Variants in MAML2 observed in about 807,000 individuals in gnomAD.
The protein encoded by MAML2 is mastermind like transcriptional coactivator 2, also known as mastermind-like protein 2.
Under a neutral mutation model 96.1 loss-of-function variants are expected in MAML2, and 22 were observed. The ratio of observed to expected loss-of-function variants is 0.23; its 90% confidence interval spans 0.16 to 0.33. The LOEUF (loss-of-function observed/expected upper bound fraction) is 0.33. Among genes scored for constraint, MAML2 ranks in the 10% least tolerant of loss-of-function variants. The probability of loss-of-function intolerance (pLI) is 1.00; values close to 1 mark genes in which losing one functional copy is unlikely to be tolerated. For missense variants in MAML2, 1,367 were observed against 1,392.4 expected, an observed-to-expected ratio of 0.98 and a Z score of 0.29; for synonymous variants, 561 against 521.3, an observed-to-expected ratio of 1.08 and a Z score of -1.04.
At chr11:96,332,296 TC>T (rs1863865068) in intron 1 of MAML2, among the ~76,000 whole-genome samples, 1 of 152,218 alleles carries the variant, frequency 6.6e-6, no homozygotes, top group South Asian at 2.1e-4. Flanking sequence ...GCCAGTATCT[TC>T]CTGAGGGAAA....
At chr11:96,176,187 A>G (rs919798854) in intron 1 of MAML2, among the ~76,000 whole-genome samples, 19 of 152,186 alleles carry the variant, frequency 1.2e-4, no homozygotes, top group African/African-American at 4.1e-4. Context: ...GCCAGTACTT[A>G]AAGCAAGGTT....
rs79287570 is a variant in MAML2 at position 96,177,677 on chromosome 11, C to A, written c.514-84160G>T. 7.5e-3 allele frequency among the ~76,000 whole-genome samples: 1,144 copies of A among 152,140 alleles called. 16 individuals are homozygous for A. Among genetic ancestry groups the A allele is most frequent in the African/African-American group, 0.025 (1,053 of 41,500 alleles). On this transcript the variant is annotated intron_variant, in intron 1 of 4. Transcript: ENST00000524717. ...GTCTCTTTCTATTATTTTCAAATAC[C>A]TTTGTGTCTGACCTAAACATTTGTC...
chr11:96,121,527 C>G (rs1860339603), intron 1 of MAML2, among the ~76,000 whole-genome samples: 12 of 151,960 alleles, frequency 7.9e-5, no homozygotes, highest in Admixed American at 7.9e-4. Context: ...CAGAGAAGCA[C>G]CATATTATTT....
intron 1 of MAML2, among the ~76,000 whole-genome samples, chr11:96,202,318 T>C (rs1450180969): frequency 7.2e-6 from 1 of 139,076 alleles, no homozygotes. Flanking sequence ...ACCACTGCAC[T>C]CCAGCCTGGG....
At position 95,979,113 on chromosome 11, in the gene MAML2, G is replaced by C; in HGVS notation, c.3306C>G (p.His1102Gln). The part of the protein sequence containing the change: ...QSSRAFQGTD[H>Q]SSDLAFDFLS... ...GGAAGTCAAAAGCTAAGTCACTGCT[G>C]TGGTCAGTTCCTTGAAAAGCCCTGG... Residue 1102 changes from histidine (H) to glutamine (Q), a missense_variant, in exon 5 of 5, where the codon CAC becomes CAG. Physicochemically the swap from His to Gln is conservative, Grantham distance 24. Transcript: ENST00000524717. 5 of 1,614,044 alleles carry C rather than the reference G, an allele frequency of 3.1e-6. No homozygotes were observed. The highest frequency in any genetic ancestry group is 1.7e-5 in the Admixed American group (1 of 60,020).
chr11:96,264,052 C>A lies in MAML2; in HGVS notation c.513+77331G>T, dbSNP rs1348304149. ...AAAGACCCAGATCACTTCTTTAGAG[C>A]CTAAAAGCCAAGTATGGACTAGAGT... On this transcript the variant is annotated intron_variant, in intron 1 of 4. Coordinates refer to ENST00000524717, the MANE Select transcript of MAML2 (RefSeq NM_032427.4). Among the ~76,000 whole-genome samples the A allele has an allele frequency of 1.3e-5, 2 of 152,182 alleles. 1 individual carries two copies. The highest frequency in any genetic ancestry group is 4.1e-4 in the South Asian group (2 of 4,834).
intron 1 of MAML2, among the ~76,000 whole-genome samples, chr11:96,183,703 C>A (rs1861527726): frequency 6.6e-6 from 1 of 152,172 alleles, no homozygotes; most frequent in South Asian, 2.1e-4. Flanking sequence ...AGCCACCACA[C>A]CCAGCCCATT....
intron 1 of MAML2, among the ~76,000 whole-genome samples, chr11:96,277,571 G>C (rs972403208): frequency 6.6e-6 from 1 of 151,868 alleles, no homozygotes; most frequent in Non-Finnish European, 1.5e-5. Context: ...GGCCAACATG[G>C]TGAAACACCG....
chr11:96,116,568 C>T (rs973065440), intron 1 of MAML2, among the ~76,000 whole-genome samples: 1 of 152,178 alleles, frequency 6.6e-6, no homozygotes, highest in African/African-American at 2.4e-5. Flanking sequence ...TTGTACTCAA[C>T]TGCTAAGCTT....
chr11:96,042,208 C>T (rs1858825628), intron 2 of MAML2, among the ~76,000 whole-genome samples: 1 of 152,148 alleles, frequency 6.6e-6, no homozygotes, highest in Non-Finnish European at 1.5e-5. Flanking sequence ...GATCTCCTGA[C>T]CTCGTGATCC....
intron 1 of MAML2, among the ~76,000 whole-genome samples, chr11:96,241,264 G>T (rs545094662): frequency 6.6e-6 from 1 of 152,314 alleles, no homozygotes; most frequent in East Asian, 1.9e-4. Context: ...TCTGAAATGA[G>T]GACTTTGAGA....
At chr11:96,333,860 A>G (rs1326102507) in intron 1 of MAML2, among the ~76,000 whole-genome samples, 1 of 152,224 alleles carries the variant, frequency 6.6e-6, no homozygotes, top group African/African-American at 2.4e-5. Flanking sequence ...AAGTTTGTCT[A>G]TTTGGTTCCA....
intron 1 of MAML2, among the ~76,000 whole-genome samples, chr11:96,324,145 C>A (rs541679927): frequency 6.6e-6 from 1 of 152,166 alleles, no homozygotes; most frequent in Non-Finnish European, 1.5e-5. Flanking sequence ...TGCTCCTATA[C>A]GAGGTGCGAA....
rs1861614036 is a variant in MAML2, at chr11:96,189,050, C to T, written c.514-95533G>A. ...TATTAGTAAAGAGAAGCTTCTAGCT[C>T]AATGCTAGAAACTGTTTTGTTTTTT... On this transcript the variant is annotated intron_variant, in intron 1 of 4. Transcript: ENST00000524717. Among the ~76,000 whole-genome samples the T allele has an allele frequency of 5.3e-5, 8 of 151,158 alleles. 1 individual carries two copies. In the Admixed American group the frequency reaches 5.3e-4, roughly 10 times the overall value.
rs1861728611 is a variant in MAML2 at position 96,196,231 on chromosome 11, C to T, written c.514-102714G>A. ...TGGAGGATACAATGAGATCATTGTT[C>T]GTGTGTTTCCTTGCAGTGATCAGGA... On this transcript the variant is annotated intron_variant, in intron 1 of 4. Coordinates refer to ENST00000524717, the MANE Select transcript of MAML2 (RefSeq NM_032427.4). Among the ~76,000 whole-genome samples, 6 of 152,220 alleles carry T rather than the reference C, an allele frequency of 3.9e-5. No individual in the cohort carries two copies. In the South Asian group the frequency reaches 1.2e-3, roughly 32 times the overall value.
intron 1 of MAML2, among the ~76,000 whole-genome samples, chr11:96,266,788 T>C (rs1056131221): frequency 1.3e-5 from 2 of 152,192 alleles, no homozygotes; most frequent in Non-Finnish European, 2.9e-5. Context: ...TTTACTCTTA[T>C]GTGGTTAGGT....
chr11:96,209,770 C>T (rs542482333), intron 1 of MAML2, among the ~76,000 whole-genome samples: 9 of 152,106 alleles, frequency 5.9e-5, no homozygotes, highest in South Asian at 2.1e-4. Flanking sequence ...AACAGTGCCA[C>T]GAAACTATCG....
In MAML2 at chr11:96,287,244, C is replaced by T. The variant is rs191132251; in HGVS notation, c.513+54139G>A. On this transcript the variant is annotated intron_variant, in intron 1 of 4. Coordinates refer to ENST00000524717, the MANE Select transcript of MAML2 (RefSeq NM_032427.4). ...TCTCTTAAATGTATTTGATTAATAACGTCTGCTAAACTTCTCCTTAACAAA... is the reference window on the plus strand; with the variant it reads ...TCTCTTAAATGTATTTGATTAATAATGTCTGCTAAACTTCTCCTTAACAAA... Among the ~76,000 whole-genome samples the T allele has an allele frequency of 3.0e-4, 45 of 152,272 alleles. No homozygotes were observed. The East Asian group carries it at 7.5e-3, about 25-fold the overall frequency.
chr11:96,051,932 C>T (rs997387582), intron 2 of MAML2, among the ~76,000 whole-genome samples: 1 of 152,172 alleles, frequency 6.6e-6, no homozygotes, highest in Middle Eastern at 3.2e-3. Flanking sequence ...CAGAAGTGAG[C>T]ATTGTGGCAT....
Sources: allele counts gnomAD v4.1 joint callset (sites outside exome capture counted in the v4.1 genomes callset), GRCh38; gene constraint gnomAD v4.1.1; transcripts MANE v1.5; gene names NCBI Gene and HGNC (gene_info 2026-07-23, HGNC 2026-07-21).